Variants in LRMDA observed in about 807,000 individuals in gnomAD.
LRMDA encodes the protein leucine rich melanocyte differentiation associated, also known as leucine-rich melanocyte differentiation-associated protein.
In LRMDA, 18 loss-of-function variants were observed where a neutral mutation model predicts 29.8. That is an observed-to-expected ratio of 0.60 (90% CI 0.42 to 0.90). The LOEUF is 0.90. Among genes scored for constraint, LRMDA ranks in the 40% least tolerant of loss-of-function variants. LRMDA has a pLI of 0.00. For missense variants in LRMDA, 273 were observed against 273.9 expected (o/e 1.00, Z 0.02); for synonymous variants, 125 against 109.4 (o/e 1.14, Z -0.89).
Position 76,022,322 on chromosome 10 carries a change from C to T in LRMDA, c.132-13686C>T, listed in dbSNP as rs192691060. ...CTGCTCTAACCCCACATTTTGCATACGGAAGAAACAAAGGTCCACCAGTGA... is the reference window on the plus strand; with the variant it reads ...CTGCTCTAACCCCACATTTTGCATATGGAAGAAACAAAGGTCCACCAGTGA... On this transcript the variant is annotated intron_variant, in intron 2 of 6. Coordinates refer to ENST00000611255, the MANE Select transcript of LRMDA (RefSeq NM_001305581.2). Among the ~76,000 whole-genome samples, 567 of 152,230 alleles carry T rather than the reference C, an allele frequency of 3.7e-3. 15 individuals are homozygous for T. Among genetic ancestry groups the T allele is most frequent in the South Asian group, 1.5e-3 (7 of 4,814 alleles).
chr10:76,214,326 C>T (rs527890852), intron 5 of LRMDA, among the ~76,000 whole-genome samples: 90 of 145,130 alleles, frequency 6.2e-4, no homozygotes, highest in African/African-American at 2.4e-3. Flanking sequence ...GTCACTTGAA[C>T]CAAATTTTTT....
intron 3 of LRMDA, 55 bp from the exon 4 acceptor site, chr10:76,047,109 A>G: frequency 3.1e-6 from 5 of 1,603,020 alleles, no homozygotes; most frequent in South Asian, 2.2e-5. Flanking sequence ...GTCATGGCCT[A>G]TGCTCATTGC....
intron 6 of LRMDA, among the ~76,000 whole-genome samples, chr10:76,374,413 C>T (rs947314249): frequency 3.9e-5 from 6 of 152,078 alleles, no homozygotes; most frequent in East Asian, 1.9e-4. Context: ...AGGACTCATA[C>T]GTCTGGATTG....
intron 5 of LRMDA, among the ~76,000 whole-genome samples, chr10:76,252,805 G>T (rs1852508654): frequency 6.6e-6 from 1 of 152,292 alleles, no homozygotes; most frequent in East Asian, 1.9e-4. Context: ...TATGTGGCTT[G>T]TGATAAAATC....
At chr10:75,513,139 A>G (rs1244275313) in intron 2 of LRMDA, among the ~76,000 whole-genome samples, 1 of 152,148 alleles carries the variant, frequency 6.6e-6, no homozygotes, top group Admixed American at 6.5e-5. Flanking sequence ...ATCTGACTTG[A>G]AGGTGCTGTG....
intron 6 of LRMDA, among the ~76,000 whole-genome samples, chr10:76,334,648 G>A: frequency 6.6e-6 from 1 of 152,170 alleles, no homozygotes; most frequent in East Asian, 1.9e-4. Flanking sequence ...GGAGAGGGCT[G>A]TTACTTTTCC....
chr10:76,253,612 C>T (rs977259226), intron 5 of LRMDA, among the ~76,000 whole-genome samples: 2 of 151,942 alleles, frequency 1.3e-5, no homozygotes, highest in East Asian at 1.9e-4. Flanking sequence ...ATCTTTTCAA[C>T]GTGCTCATAT....
chr10:76,191,116 T>TG (rs1851237251), intron 5 of LRMDA, among the ~76,000 whole-genome samples: 1 of 152,226 alleles, frequency 6.6e-6, no homozygotes, highest in Non-Finnish European at 1.5e-5. Context: ...TAGTTCTCTG[T>TG]GGCTTATATG....
rs1839968093 is a variant in LRMDA at position 75,537,803 on chromosome 10, C to CA, written c.131+99309_131+99310insA. 6.6e-5 allele frequency among the ~76,000 whole-genome samples: 10 copies of CA among 152,318 alleles called. No homozygotes were observed. The South Asian group carries it at 2.1e-3, about 32-fold the overall frequency. On this transcript the variant is annotated intron_variant, in intron 2 of 6. Coordinates refer to ENST00000611255, the MANE Select transcript of LRMDA (RefSeq NM_001305581.2). ...CTCCTATCTGTTTTTCCCCTCCTTTCTAGAGATGTTCCATACTTCTCAAAC... is the reference window on the plus strand; with the variant it reads ...CTCCTATCTGTTTTTCCCCTCCTTTCATAGAGATGTTCCATACTTCTCAAAC...
intron 6 of LRMDA, among the ~76,000 whole-genome samples, chr10:76,363,233 AAG>A (rs1841346480): frequency 2.0e-5 from 1 of 51,076 alleles, no homozygotes; most frequent in Non-Finnish European, 4.8e-5. Flanking sequence ...GAAAGAAAGA[AAG>A]AAAGAAAGAA....
chr10:76,514,799 T>C (rs530301060), intron 6 of LRMDA, among the ~76,000 whole-genome samples: 1 of 152,178 alleles, frequency 6.6e-6, no homozygotes, highest in Non-Finnish European at 1.5e-5. Context: ...AGTAATGCCA[T>C]TGTAGCATGC....
chr10:75,485,073 T>C (rs562574258), intron 2 of LRMDA, among the ~76,000 whole-genome samples: 3 of 152,358 alleles, frequency 2.0e-5, no homozygotes, highest in Admixed American at 1.3e-4. Flanking sequence ...TGTAAAATAC[T>C]TGGGGCCAGG....
At chr10:75,509,317 G>T (rs1406091512) in intron 2 of LRMDA, among the ~76,000 whole-genome samples, 2 of 152,112 alleles carry the variant, frequency 1.3e-5, no homozygotes, top group Non-Finnish European at 2.9e-5. Flanking sequence ...AATTTTACCA[G>T]GAGGAAAAAG....
chr10:75,469,356 G>A (rs1377077745), intron 2 of LRMDA, among the ~76,000 whole-genome samples: 1 of 151,922 alleles, frequency 6.6e-6, no homozygotes, highest in Non-Finnish European at 1.5e-5. Context: ...GCCCTAACTG[G>A]CCCCCAGTGC....
At chr10:76,392,534 T>C (rs749118180) in intron 6 of LRMDA, among the ~76,000 whole-genome samples, 1 of 152,050 alleles carries the variant, frequency 6.6e-6, no homozygotes, top group Admixed American at 6.6e-5. Flanking sequence ...GATCTGAAAA[T>C]CAAAAATCCA....
intron 5 of LRMDA, among the ~76,000 whole-genome samples, chr10:76,192,940 C>T (rs1288677592): frequency 1.3e-5 from 2 of 152,182 alleles, no homozygotes; most frequent in African/African-American, 2.4e-5. Flanking sequence ...CTCTGTGACT[C>T]ATAATGCCTT....
At chr10:75,941,673 T>G (rs748284594) in intron 2 of LRMDA, among the ~76,000 whole-genome samples, 2 of 152,122 alleles carry the variant, frequency 1.3e-5, no homozygotes, top group Non-Finnish European at 2.9e-5. Context: ...CCACCTGGAA[T>G]GTAGAGTATC....
rs569908776 is a variant in LRMDA, at chr10:75,793,820, G to GAGC, written c.132-242185_132-242183dup. Among the ~76,000 whole-genome samples, 117 of 152,320 alleles carry GAGC rather than the reference G, an allele frequency of 7.7e-4. 3 individuals carry two copies. The South Asian group carries it at 0.023, about 30-fold the overall frequency. ...TCCCAGCTGACTCTTGATTAACATGGAGCAGGAGTGAGAAATAAACCGTTA... is the reference window on the plus strand; with the variant it reads ...TCCCAGCTGACTCTTGATTAACATGGAGCAGCAGGAGTGAGAAATAAACCGTTA... On this transcript the variant is annotated intron_variant, in intron 2 of 6. Coordinates refer to ENST00000611255, the MANE Select transcript of LRMDA (RefSeq NM_001305581.2).
intron 2 of LRMDA, among the ~76,000 whole-genome samples, chr10:75,991,335 T>C (rs1284118406): frequency 6.6e-6 from 1 of 152,208 alleles, no homozygotes; most frequent in African/African-American, 2.4e-5. Flanking sequence ...GAGTACCTCT[T>C]ACCCACCAGG....
Sources: allele counts gnomAD v4.1 joint callset (sites outside exome capture counted in the v4.1 genomes callset), GRCh38; gene constraint gnomAD v4.1.1; transcripts MANE v1.5; gene names NCBI Gene and HGNC (gene_info 2026-07-23, HGNC 2026-07-21).